Variants in DOCK8 observed in about 807,000 individuals in gnomAD.
The protein encoded by DOCK8 is dedicator of cytokinesis 8, also known as dedicator of cytokinesis protein 8.
In DOCK8, 141 loss-of-function variants were observed where a neutral mutation model predicts 245.6. The ratio of observed to expected loss-of-function variants is 0.57; its 90% CI spans 0.50 to 0.66. DOCK8 has a LOEUF of 0.66. DOCK8 is among the 30% of genes least tolerant of loss of function. The pLI is 0.00. For synonymous variants in DOCK8, 1,168 were observed against 970.2 expected (o/e 1.20, Z -3.79); for missense variants, 2,965 against 2,603.4 (o/e 1.14, Z -3.02).
At chr9:370,083 G>A in intron 15 of DOCK8, 147 bp from the exon 16 acceptor site, 1 of 718,878 alleles carries the variant, frequency 1.4e-6, no homozygotes, top group Non-Finnish European at 2.5e-6. Flanking sequence ...GATTACAGGT[G>A]TGAGCCACTG....
intron 33 of DOCK8, 86 bp from the exon 34 acceptor site, chr9:426,799 C>G (rs2056519248): frequency 4.7e-6 from 5 of 1,069,938 alleles, no homozygotes; most frequent in Admixed American, 1.8e-5. Context: ...TTGGAGATTT[C>G]TTTACACCTT....
chr9:316,359 G>A (rs1226818526), intron 6 of DOCK8, among the ~76,000 whole-genome samples: 2 of 152,208 alleles, frequency 1.3e-5, no homozygotes, highest in Non-Finnish European at 2.9e-5. Context: ...AGATACAGAT[G>A]TTAAGGTTAC....
intron 1 of DOCK8, among the ~76,000 whole-genome samples, chr9:223,520 G>T (rs561942349): frequency 2.0e-5 from 3 of 152,214 alleles, no homozygotes; most frequent in African/African-American, 7.2e-5. Context: ...ATGCCACTAG[G>T]GATAATAGCA....
chr9:463,710 C>T, intron 47 of DOCK8, 23 bp downstream of exon 47: 1 of 1,613,568 alleles, frequency 6.2e-7, no homozygotes. Context: ...CAGAGGAGGC[C>T]TCTTCCTGTG....
intron 7 of DOCK8, 26 bp from the exon 8 acceptor site, chr9:325,645 T>C (rs369165074): frequency 1.7e-5 from 27 of 1,605,914 alleles, no homozygotes; most frequent in South Asian, 1.2e-4. Flanking sequence ...CAAAGCCACA[T>C]AGATTTTCCT....
At chr9:375,248 A>G (rs188641015) in intron 18 of DOCK8, among the ~76,000 whole-genome samples, 2 of 152,270 alleles carry the variant, frequency 1.3e-5, no homozygotes, top group Admixed American at 1.3e-4. Flanking sequence ...TGAAAGACAT[A>G]CAAACCTAGG....
intron 43 of DOCK8, among the ~76,000 whole-genome samples, chr9:443,828 G>A (rs2057166324): frequency 1.3e-5 from 2 of 152,150 alleles, no homozygotes; most frequent in Non-Finnish European, 2.9e-5. Context: ...CTATTTTAGA[G>A]ATGAGAAAAC....
chr9:314,416 G>C (rs1263444010), intron 6 of DOCK8: 3 of 152,218 alleles, frequency 2.0e-5, no homozygotes, highest in African/African-American at 7.2e-5. Flanking sequence ...CTCCCTGGTG[G>C]TATTAGAGGG....
At chr9:408,146 G>C (rs1433370104) in intron 28 of DOCK8, among the ~76,000 whole-genome samples, 2 of 152,162 alleles carry the variant, frequency 1.3e-5, no homozygotes, top group East Asian at 3.9e-4. Flanking sequence ...TGTATGTTAT[G>C]GATGGATTTT....
intron 40 of DOCK8, 23 bp downstream of exon 40, chr9:439,411 G>T: frequency 6.2e-7 from 1 of 1,610,256 alleles, no homozygotes; most frequent in Non-Finnish European, 8.5e-7. Flanking sequence ...AGGGCATCCC[G>T]GGGCCTGGCC....
At chr9:339,808 C>G (rs143385441) in intron 13 of DOCK8, among the ~76,000 whole-genome samples, 17 of 152,342 alleles carry the variant, frequency 1.1e-4, no homozygotes, top group Admixed American at 2.6e-4. Flanking sequence ...GCCACCACAT[C>G]CGGCTGGAAG....
chr9:430,997 G>A (rs761524479), intron 36 of DOCK8, among the ~76,000 whole-genome samples: 2 of 151,906 alleles, frequency 1.3e-5, no homozygotes, highest in Non-Finnish European at 2.9e-5. Context: ...AGCCTCCCAT[G>A]TAGTAACTGG....
Position 328,014 on chromosome 9 carries a change from A to G in DOCK8, c.895-8A>G, listed in dbSNP as rs750374543. The G allele has an allele frequency of 1.2e-6, 2 of 1,613,632 alleles. No homozygotes were observed. Among genetic ancestry groups the G allele is most frequent in the Non-Finnish European group, 8.5e-7 (1 of 1,179,542 alleles). On this transcript the variant is annotated splice_region_variant and splice_polypyrimidine_tract_variant and intron_variant, in intron 8 of 47. Coordinates refer to ENST00000432829, the MANE Select transcript of DOCK8 (RefSeq NM_203447.4). ...TAACTTATATTTCACTTTGCTGCTC[A>G]TTTACAGATCTCAGAAAATTTTCAC...
rs754704256 is a variant in DOCK8 at position 443,564 on chromosome 9, G to C, written c.5580+48G>C. On this transcript the variant is annotated intron_variant, in intron 43 of 47. Coordinates refer to ENST00000432829, the MANE Select transcript of DOCK8 (RefSeq NM_203447.4). ...TAACCATCAAGCTCTAAATCCCTTCGTTCTCTACCCAAGAATACCTAATGA... is the reference window on the plus strand; with the variant it reads ...TAACCATCAAGCTCTAAATCCCTTCCTTCTCTACCCAAGAATACCTAATGA... 11 of 1,441,810 alleles carry C rather than the reference G, an allele frequency of 7.6e-6. No individual in the cohort carries two copies. In the South Asian group the frequency reaches 8.0e-5, roughly 10 times the overall value. The allele number at this position is 1,441,810 out of a possible 1,614,324, so 89.3% of individuals were successfully genotyped here.
chr9:396,165 C>G (rs935036711), intron 24 of DOCK8, among the ~76,000 whole-genome samples: 4 of 152,212 alleles, frequency 2.6e-5, no homozygotes, highest in Admixed American at 6.5e-5. Context: ...AGGCAATGTT[C>G]TAAATAGTGG....
At chr9:441,175 T>TA in intron 40 of DOCK8, 111 bp from the exon 41 acceptor site, 1 of 1,507,928 alleles carries the variant, frequency 6.6e-7, no homozygotes. Flanking sequence ...AATACTGTGA[T>TA]ACAACAATAA....
chr9:356,798 A>C (rs1452990544), intron 14 of DOCK8, among the ~76,000 whole-genome samples: 1 of 152,186 alleles, frequency 6.6e-6, no homozygotes, highest in Non-Finnish European at 1.5e-5. Context: ...TAAATCTACC[A>C]AGCAGTGTTT....
intron 2 of DOCK8, among the ~76,000 whole-genome samples, chr9:274,238 A>G (rs2048254077): frequency 6.6e-6 from 1 of 152,118 alleles, no homozygotes; most frequent in African/African-American, 2.4e-5. Flanking sequence ...GAAACCAGCA[A>G]CAATAAGTAA....
chr9:399,988 CCCACCACCT>C (rs796973107), intron 26 of DOCK8, among the ~76,000 whole-genome samples: 1,366 of 79,202 alleles, frequency 0.017, 112 homozygotes, highest in African/African-American at 0.069. Context: ...ATCACCACCT[CCCACCACCT>C]CCACCACCTC....
Sources: gnomAD v4.1 joint callset for allele counts (sites outside exome capture counted in the v4.1 genomes callset) on GRCh38, gnomAD v4.1.1 for gene constraint, MANE v1.5 for transcripts, NCBI Gene and HGNC (gene_info 2026-07-23, HGNC 2026-07-21) for gene names.